RANBP2: variants seen among roughly 807,000 people sequenced by gnomAD.
RANBP2 encodes the protein E3 SUMO-protein ligase RanBP2.
RANBP2 carries 57 observed loss-of-function variants against 303.6 expected under a neutral mutation model. That is an observed-to-expected ratio of 0.19 (90% confidence interval 0.15 to 0.23). The LOEUF is 0.23. Ranked by LOEUF, RANBP2 falls within the 10% of genes least tolerant of loss-of-function variation. The pLI is 1.00. For missense variants in RANBP2, 3,138 were observed against 3,780.8 expected (o/e 0.83, Z 4.46); for synonymous variants, 1,167 against 1,301.5 (o/e 0.90, Z 2.23).
the RANBP2 span, among the ~76,000 whole-genome samples, chr2:109,426,978 ATTT>A: frequency 1.4e-3 from 215 of 148,732 alleles, 1 homozygote; most frequent in African/African-American, 5.1e-3. Context: ...ATATATATAT[ATTT>A]TTTTTTGAGA....
chr2:108,809,913 C>T, the RANBP2 span, among the ~76,000 whole-genome samples: 1 of 152,310 alleles, frequency 6.6e-6, no homozygotes, highest in South Asian at 2.1e-4. Context: ...TCACACAATT[C>T]TCCTGCCTCA....
the RANBP2 span, among the ~76,000 whole-genome samples, chr2:109,179,472 T>A: frequency 6.6e-6 from 1 of 152,168 alleles, no homozygotes. Flanking sequence ...TCTTTGTGTG[T>A]TTTCTGTTGC....
chr2:108,740,129 GTTAA>G (rs1268550587), intron 6 of RANBP2, among the ~76,000 whole-genome samples: 10 of 152,146 alleles, frequency 6.6e-5, no homozygotes, highest in Admixed American at 2.0e-4. Context: ...AATTACAACT[GTTAA>G]TTAAATAATG....
chr2:108,846,650 C>T, the RANBP2 span: 1 of 1,188,526 alleles, frequency 8.4e-7, no homozygotes, highest in Non-Finnish European at 1.2e-6. Flanking sequence ...GCATTCCAAC[C>T]TGGGCAACAG....
chr2:108,969,638 G>A, the RANBP2 span, among the ~76,000 whole-genome samples: 3 of 152,232 alleles, frequency 2.0e-5, no homozygotes, highest in African/African-American at 7.2e-5. Flanking sequence ...CAGGAATTTT[G>A]CTTTGGGTCA....
the RANBP2 span, among the ~76,000 whole-genome samples, chr2:109,659,101 G>C: frequency 1.3e-5 from 2 of 149,082 alleles, no homozygotes; most frequent in Non-Finnish European, 3.0e-5. Context: ...TCACAGCCAA[G>C]CGCAGTGGCT....
chr2:109,604,974 G>T, the RANBP2 span: 1 of 152,174 alleles, frequency 6.6e-6, no homozygotes, highest in African/African-American at 2.4e-5. Flanking sequence ...ATCAGCACAG[G>T]TTTGATGCAA....
At chr2:109,492,341 T>C in the RANBP2 span, among the ~76,000 whole-genome samples, 1 of 152,192 alleles carries the variant, frequency 6.6e-6, no homozygotes, top group African/African-American at 2.4e-5. Flanking sequence ...CCTATGGGGC[T>C]AGGCCTGGGG....
chr2:108,901,829 C>T, the RANBP2 span, among the ~76,000 whole-genome samples: 13 of 152,204 alleles, frequency 8.5e-5, no homozygotes, highest in East Asian at 1.9e-4. Flanking sequence ...TCTAGCCAAA[C>T]GCGGTGGCTC....
the RANBP2 span, among the ~76,000 whole-genome samples, chr2:109,241,684 C>T: frequency 6.6e-6 from 1 of 152,130 alleles, no homozygotes; most frequent in Non-Finnish European, 1.5e-5. Context: ...TTCTCTCCCC[C>T]AGTCCCTGCA....
the RANBP2 span, among the ~76,000 whole-genome samples, chr2:109,470,031 G>A: frequency 3.3e-5 from 5 of 152,236 alleles, no homozygotes; most frequent in Non-Finnish European, 7.4e-5. Context: ...TTCACTCTTC[G>A]TGCGTCCTGT....
At chr2:108,889,241 C>CT in the RANBP2 span, among the ~76,000 whole-genome samples, 1 of 152,074 alleles carries the variant, frequency 6.6e-6, no homozygotes, top group Non-Finnish European at 1.5e-5. Flanking sequence ...GGAGAATGTT[C>CT]CATGTGCTGA....
chr2:108,997,620 G>A, the RANBP2 span, among the ~76,000 whole-genome samples: 12 of 150,872 alleles, frequency 8.0e-5, no homozygotes, highest in East Asian at 1.8e-3. Context: ...GGCCGAGCAC[G>A]GTGGATCACG....
At chr2:108,722,232 T>A (rs1294511841) in intron 1 of RANBP2, among the ~76,000 whole-genome samples, 1 of 152,208 alleles carries the variant, frequency 6.6e-6, no homozygotes, top group African/African-American at 2.4e-5. Context: ...TTGGTTATTA[T>A]GACACCTCTC....
the RANBP2 span, among the ~76,000 whole-genome samples, chr2:108,850,966 G>A: frequency 6.6e-6 from 1 of 152,032 alleles, no homozygotes; most frequent in Non-Finnish European, 1.5e-5. Context: ...CCACAAGTTG[G>A]GCACTCAAGT....
Position 108,740,654 on chromosome 2 carries a change from T to G in RANBP2, c.948T>G (p.Ala316=), listed in dbSNP as rs1190298205. ...NVQWRALSEL[A]ALCYLIAFQV... is the part of the protein sequence containing the mutation. ...AATGGCGAGCTCTTTCTGAGCTGGC[T>G]GCATTGTGCTATCTCATAGCATTTC... Residue 316 remains alanine, a synonymous_variant, in exon 7 of 29, where the codon GCT becomes GCG. Coordinates refer to ENST00000283195, the MANE Select transcript of RANBP2 (RefSeq NM_006267.5). 3 of 1,597,450 alleles carry G rather than the reference T, an allele frequency of 1.9e-6. No homozygotes were observed. The African/African-American group carries it at 4.0e-5, about 21-fold the overall frequency.
chr2:109,339,274 GT>G, the RANBP2 span, among the ~76,000 whole-genome samples: 4 of 130,560 alleles, frequency 3.1e-5, no homozygotes, highest in Non-Finnish European at 6.5e-5. Flanking sequence ...AGGGTCAGCT[GT>G]TTTTTGGGGG....
chr2:109,669,266 G>T, the RANBP2 span, among the ~76,000 whole-genome samples: 5 of 152,152 alleles, frequency 3.3e-5, no homozygotes, highest in Non-Finnish European at 7.3e-5. Context: ...CACTGGTCTA[G>T]GCAAAAGTTT....
chr2:109,297,597 C>T, the RANBP2 span, among the ~76,000 whole-genome samples: 4 of 148,510 alleles, frequency 2.7e-5, no homozygotes, highest in East Asian at 2.1e-4. Flanking sequence ...CCAGTCAGTG[C>T]CCCCAACCTG....
Sources: allele counts gnomAD v4.1 joint callset (sites outside exome capture counted in the v4.1 genomes callset), GRCh38; gene constraint gnomAD v4.1.1; transcripts MANE v1.5; gene names NCBI Gene and HGNC (gene_info 2026-07-23, HGNC 2026-07-21).